Variants in ROR1 observed in about 807,000 individuals in gnomAD.
ROR1 encodes the protein inactive tyrosine-protein kinase transmembrane receptor ROR1.
In ROR1, 19 loss-of-function variants were observed where a neutral mutation model predicts 78.8. The ratio of observed to expected loss-of-function variants is 0.24; its 90% CI spans 0.17 to 0.35. The LOEUF (loss-of-function observed/expected upper bound fraction) is 0.35, where lower values mean the gene tolerates loss of function less well. Ranked by LOEUF, ROR1 falls within the 10% of genes least tolerant of loss-of-function variation. ROR1 has a pLI of 1.00. For synonymous variants in ROR1, 386 were observed against 433.6 expected, an observed-to-expected ratio of 0.89 and a Z score of 1.36; for missense variants, 917 against 1,177.8, an observed-to-expected ratio of 0.78 and a Z score of 3.24.
At chr1:63,978,225 G>T (rs1570005465) in intron 1 of ROR1, among the ~76,000 whole-genome samples, 1 of 152,292 alleles carries the variant, frequency 6.6e-6, no homozygotes, top group East Asian at 1.9e-4. Context: ...GGAAATTCAT[G>T]TTATCTATGG....
chr1:64,009,163 A>C, intron 1 of ROR1, 142 bp from the exon 2 acceptor site: 1 of 651,168 alleles, frequency 1.5e-6, no homozygotes, highest in Non-Finnish European at 2.8e-6. Context: ...CCACCATTCC[A>C]GTCTAATAAG....
At chr1:64,117,814 G>T (rs61765427) in intron 4 of ROR1, among the ~76,000 whole-genome samples, 54 of 152,230 alleles carry the variant, frequency 3.5e-4, no homozygotes, top group Non-Finnish European at 6.3e-4. Flanking sequence ...CAAATATTAG[G>T]CAGCTCCCAC....
At chr1:63,962,010 A>T (rs1187015455) in intron 1 of ROR1, among the ~76,000 whole-genome samples, 1 of 152,234 alleles carries the variant, frequency 6.6e-6, no homozygotes, top group African/African-American at 2.4e-5. Flanking sequence ...AAAATTACCC[A>T]GCACTTTGAG....
In ROR1 at chr1:64,105,147, C is replaced by T. The variant is rs140232577; in HGVS notation, c.483-32222C>T. Among the ~76,000 whole-genome samples the T allele has an allele frequency of 4.5e-4, 69 of 152,178 alleles. 1 individual carries two copies. The East Asian group carries it at 0.012, about 27-fold the overall frequency. The stretch of plus-strand genomic sequence containing the variant: ...TATTGTTTCTTGACTTTTTAATAAT[C>T]GCCATTCTGACTGGTGTGAGATGGT... On this transcript the variant is annotated intron_variant, in intron 4 of 8. Coordinates refer to ENST00000371079, the MANE Select transcript of ROR1 (RefSeq NM_005012.4).
At chr1:64,050,827 A>G (rs1235549738) in intron 4 of ROR1, 111 bp downstream of exon 4, 26 of 1,066,210 alleles carry the variant, frequency 2.4e-5, no homozygotes, top group Non-Finnish European at 3.5e-5. Context: ...TCCAGATGTC[A>G]TTCCATTTTG....
chr1:63,825,117 A>G (rs1458250730), intron 1 of ROR1, among the ~76,000 whole-genome samples: 1 of 152,192 alleles, frequency 6.6e-6, no homozygotes, highest in Non-Finnish European at 1.5e-5. Flanking sequence ...TTGGACAACA[A>G]TTTGGCAGTT....
intron 2 of ROR1, among the ~76,000 whole-genome samples, chr1:64,018,275 G>A (rs1385890453): frequency 6.6e-6 from 1 of 152,032 alleles, no homozygotes; most frequent in African/African-American, 2.4e-5. Context: ...TTTACCATGG[G>A]GCTCCTCCCT....
At position 64,124,794 on chromosome 1, in the gene ROR1, G is replaced by A. The variant is rs1648656670; in HGVS notation, c.483-12575G>A. On this transcript the variant is annotated intron_variant, in intron 4 of 8. Transcript: ENST00000371079. Reference sequence around the variant, plus strand: ...ATGCCTCTGCCTTCCAACACTACTCGAAAATAGCTTTGTCAAACAAAGCAT... The same window carrying A: ...ATGCCTCTGCCTTCCAACACTACTCAAAAATAGCTTTGTCAAACAAAGCAT... 2.6e-5 allele frequency among the ~76,000 whole-genome samples: 4 copies of A among 152,216 alleles called. No homozygotes were observed. In the South Asian group the frequency reaches 8.3e-4, roughly 32 times the overall value.
chr1:63,845,028 C>G (rs921217269), intron 1 of ROR1, among the ~76,000 whole-genome samples: 1 of 152,160 alleles, frequency 6.6e-6, no homozygotes, highest in African/African-American at 2.4e-5. Context: ...CATTGTTACA[C>G]TAGTGCACCC....
chr1:64,114,317 A>C (rs1648232950), intron 4 of ROR1, among the ~76,000 whole-genome samples: 1 of 152,210 alleles, frequency 6.6e-6, no homozygotes, highest in Admixed American at 6.5e-5. Flanking sequence ...TAGAAAGTTA[A>C]TGCCCTTTTG....
chr1:64,048,581 T>A (rs1310736662), intron 2 of ROR1, among the ~76,000 whole-genome samples: 1 of 152,064 alleles, frequency 6.6e-6, no homozygotes, highest in Non-Finnish European at 1.5e-5. Flanking sequence ...TCCCTACCCA[T>A]GAATAACAGA....
intron 1 of ROR1, among the ~76,000 whole-genome samples, chr1:63,902,727 G>C (rs1365708858): frequency 6.6e-6 from 1 of 152,144 alleles, no homozygotes; most frequent in Non-Finnish European, 1.5e-5. Context: ...GGCTTAATAA[G>C]TTATGGAGAG....
intron 1 of ROR1, among the ~76,000 whole-genome samples, chr1:63,777,879 A>T (rs1644627107): frequency 6.6e-6 from 1 of 152,244 alleles, no homozygotes; most frequent in African/African-American, 2.4e-5. Flanking sequence ...TGGTCCATAG[A>T]TATTTGTTGA....
intron 1 of ROR1, among the ~76,000 whole-genome samples, chr1:63,847,841 A>G (rs577818165): frequency 2.6e-5 from 4 of 152,140 alleles, no homozygotes; most frequent in South Asian, 4.1e-4. Flanking sequence ...GATAAGTCCC[A>G]TGTGTCTACT....
At chr1:63,806,992 T>C (rs1320353355) in intron 1 of ROR1, among the ~76,000 whole-genome samples, 1 of 152,212 alleles carries the variant, frequency 6.6e-6, no homozygotes, top group African/African-American at 2.4e-5. Context: ...TCTTCCTTAA[T>C]GTGATCAAGG....
chr1:63,851,741 T>C (rs1429327922), intron 1 of ROR1, among the ~76,000 whole-genome samples: 1 of 152,274 alleles, frequency 6.6e-6, no homozygotes, highest in Non-Finnish European at 1.5e-5. Context: ...GAATGTGATT[T>C]ATACAAAACA....
chr1:63,805,013 C>G (rs1644820228), intron 1 of ROR1, among the ~76,000 whole-genome samples: 1 of 152,194 alleles, frequency 6.6e-6, no homozygotes, highest in South Asian at 2.1e-4. Context: ...CATTTAGTCC[C>G]TGGTGAGTAT....
intron 1 of ROR1, among the ~76,000 whole-genome samples, chr1:63,885,443 CAG>C (rs375336799): frequency 2.2e-3 from 338 of 152,100 alleles, no homozygotes; most frequent in African/African-American, 7.3e-3. Context: ...GTTGAACAAA[CAG>C]GGGGATATGG....
intron 1 of ROR1, among the ~76,000 whole-genome samples, chr1:63,787,500 GACTT>G (rs1644697415): frequency 8.5e-6 from 1 of 117,024 alleles, no homozygotes. Context: ...CTGCCTTCCT[GACTT>G]CCTTTCTTTC....
Sources: gnomAD v4.1 joint callset for allele counts (sites outside exome capture counted in the v4.1 genomes callset) on GRCh38, gnomAD v4.1.1 for gene constraint, MANE v1.5 for transcripts, NCBI Gene and HGNC (gene_info 2026-07-23, HGNC 2026-07-21) for gene names.